ZBTB20: variants seen among roughly 807,000 people sequenced by gnomAD.
ZBTB20 encodes zinc finger and BTB domain containing 20, also known as zinc finger and BTB domain-containing protein 20.
A neutral mutation model predicts 56.9 loss-of-function variants in ZBTB20; 9 were observed. The observed-to-expected ratio is 0.16, with a 90% CI of 0.10 to 0.28. The LOEUF (loss-of-function observed/expected upper bound fraction) is 0.28, where lower values mean the gene tolerates loss of function less well. Ranked by LOEUF, ZBTB20 falls within the 10% of genes least tolerant of loss-of-function variation. ZBTB20 has a pLI of 1.00. For missense variants in ZBTB20, 655 were observed against 1,003.0 expected, an observed-to-expected ratio of 0.65 and a Z score of 4.69; for synonymous variants, 417 against 420.7, an observed-to-expected ratio of 0.99 and a Z score of 0.11.
chr3:114,691,290 T>C (rs2062683011), intron 6 of ZBTB20, among the ~76,000 whole-genome samples: 1 of 152,136 alleles, frequency 6.6e-6, no homozygotes, highest in African/African-American at 2.4e-5. Flanking sequence ...GAAATAATGA[T>C]GTACTAAATA....
intron 2 of ZBTB20, among the ~76,000 whole-genome samples, chr3:114,990,873 A>G (rs2078774591): frequency 6.6e-6 from 1 of 151,900 alleles, no homozygotes; most frequent in Non-Finnish European, 1.5e-5. Context: ...TTTCTGCTAG[A>G]TTTTCTAGTT....
chr3:115,014,117 T>C (rs2079840978), intron 2 of ZBTB20, among the ~76,000 whole-genome samples: 1 of 151,576 alleles, frequency 6.6e-6, no homozygotes. Flanking sequence ...TAAAACAACA[T>C]TGATAAACTG....
chr3:115,098,288 A>T (rs2083451639), intron 1 of ZBTB20, among the ~76,000 whole-genome samples: 1 of 152,220 alleles, frequency 6.6e-6, no homozygotes, highest in Non-Finnish European at 1.5e-5. Context: ...AAAGATTTCT[A>T]TTGATAAAAA....
At chr3:114,531,021 C>T (rs1437757696) in intron 6 of ZBTB20, among the ~76,000 whole-genome samples, 7 of 152,102 alleles carry the variant, frequency 4.6e-5, no homozygotes, top group Admixed American at 4.6e-4. Context: ...ATGGCTTTAC[C>T]TACTACTTCC....
chr3:114,677,840 C>T (rs951981756), intron 6 of ZBTB20, among the ~76,000 whole-genome samples: 4 of 152,146 alleles, frequency 2.6e-5, no homozygotes, highest in Non-Finnish European at 4.4e-5. Flanking sequence ...ACTTCTTCCT[C>T]TCCCCTTCCT....
chr3:114,988,056 GT>G (rs753433512), intron 2 of ZBTB20, among the ~76,000 whole-genome samples: 1 of 111,804 alleles, frequency 8.9e-6, no homozygotes, highest in African/African-American at 3.2e-5. Context: ...TTTATTTATT[GT>G]TTTTTTCACA....
chr3:115,019,673 A>G (rs1464183337), intron 2 of ZBTB20, among the ~76,000 whole-genome samples: 1 of 151,254 alleles, frequency 6.6e-6, no homozygotes, highest in Non-Finnish European at 1.5e-5. Flanking sequence ...AGAATTTGAA[A>G]GAATGTGAAA....
chr3:114,910,210 C>T (rs2075475600), intron 3 of ZBTB20, among the ~76,000 whole-genome samples: 1 of 151,418 alleles, frequency 6.6e-6, no homozygotes, highest in Non-Finnish European at 1.5e-5. Flanking sequence ...ATATAACTTG[C>T]CTAAGAAGAA....
intron 10 of ZBTB20, among the ~76,000 whole-genome samples, chr3:114,358,064 A>C (rs2081431139): frequency 6.6e-6 from 1 of 152,242 alleles, no homozygotes; most frequent in African/African-American, 2.4e-5. Context: ...AGTTAAGACA[A>C]ATCCACAGAA....
At chr3:114,975,400 A>T (rs2078056080) in intron 2 of ZBTB20, among the ~76,000 whole-genome samples, 1 of 152,308 alleles carries the variant, frequency 6.6e-6, no homozygotes, top group South Asian at 2.1e-4. Flanking sequence ...ATGCTTGATT[A>T]TATAATCTAG....
intron 4 of ZBTB20, among the ~76,000 whole-genome samples, chr3:114,877,262 A>G (rs1379899813): frequency 6.6e-6 from 1 of 152,230 alleles, no homozygotes; most frequent in Admixed American, 6.5e-5. Context: ...AATACTAGGC[A>G]TTGTGCTAAA....
At chr3:114,758,028 A>G (rs547018017) in intron 5 of ZBTB20, among the ~76,000 whole-genome samples, 17 of 152,258 alleles carry the variant, frequency 1.1e-4, no homozygotes, top group African/African-American at 4.1e-4. Flanking sequence ...ATAGTTATTA[A>G]AAGCCAAAAG....
intron 6 of ZBTB20, among the ~76,000 whole-genome samples, chr3:114,531,641 T>C (rs2047855455): frequency 6.6e-6 from 1 of 152,218 alleles, no homozygotes; most frequent in Non-Finnish European, 1.5e-5. Flanking sequence ...TTTTGCTTGC[T>C]GCTGGTCCTT....
chr3:114,772,696 C>CA (rs1215131449), intron 5 of ZBTB20, among the ~76,000 whole-genome samples: 1 of 152,118 alleles, frequency 6.6e-6, no homozygotes. Context: ...CTAGAATACT[C>CA]AGAGTACTCT....
At chr3:114,952,133 C>T (rs2077087980) in intron 3 of ZBTB20, among the ~76,000 whole-genome samples, 1 of 151,686 alleles carries the variant, frequency 6.6e-6, no homozygotes, top group Non-Finnish European at 1.5e-5. Context: ...AAAGAGTGTG[C>T]TATGTGTTGA....
chr3:114,530,612 C>G (rs1264469269), intron 6 of ZBTB20, among the ~76,000 whole-genome samples: 1 of 152,112 alleles, frequency 6.6e-6, no homozygotes, highest in Non-Finnish European at 1.5e-5. Flanking sequence ...CTTGAGAAAT[C>G]TAAGAACTAG....
At chr3:114,619,385 GA>G (rs1390551988) in intron 6 of ZBTB20, among the ~76,000 whole-genome samples, 2 of 151,966 alleles carry the variant, frequency 1.3e-5, no homozygotes, top group Non-Finnish European at 2.9e-5. Flanking sequence ...TAAACTCCAG[GA>G]AAAAAATTGG....
intron 6 of ZBTB20, among the ~76,000 whole-genome samples, chr3:114,661,247 T>A (rs1035395197): frequency 6.6e-6 from 1 of 152,016 alleles, no homozygotes; most frequent in Non-Finnish European, 1.5e-5. Flanking sequence ...AACAGATTCA[T>A]AGTCTGGGCA....
At chr3:114,663,899 G>A (rs1254965109) in intron 6 of ZBTB20, among the ~76,000 whole-genome samples, 1 of 151,496 alleles carries the variant, frequency 6.6e-6, no homozygotes, top group Non-Finnish European at 1.5e-5. Context: ...CAAGTCCTGA[G>A]TGACCTACAA....
Sources: allele counts gnomAD v4.1 joint callset (sites outside exome capture counted in the v4.1 genomes callset), GRCh38; gene constraint gnomAD v4.1.1; transcripts MANE v1.5; gene names NCBI Gene and HGNC (gene_info 2026-07-23, HGNC 2026-07-21).